The following CCDC7 variants were observed in gnomAD, a reference collection of about 807,000 sequenced individuals.
CCDC7 encodes coiled-coil domain containing 7, also known as coiled-coil domain-containing protein 7.
In CCDC7, 183 loss-of-function variants were observed where a neutral mutation model predicts 196.9. That is an observed-to-expected ratio of 0.93 (90% CI 0.82 to 1.05). CCDC7 has a LOEUF of 1.05. CCDC7 is among the 50% of genes least tolerant of loss of function. The pLI, the probability that CCDC7 is intolerant of heterozygous loss-of-function variation, is 0.00. For missense variants in CCDC7, 1,540 were observed against 1,482.2 expected (o/e 1.04, Z -0.64); for synonymous variants, 525 against 484.6 (o/e 1.08, Z -1.10).
At chr10:32,714,813 G>C (rs190812976) in intron 25 of CCDC7, among the ~76,000 whole-genome samples, 1 of 152,092 alleles carries the variant, frequency 6.6e-6, no homozygotes, top group Non-Finnish European at 1.5e-5. Context: ...CCACCACGGC[G>C]CAGCAAAGCC....
intron 31 of CCDC7, among the ~76,000 whole-genome samples, chr10:32,821,460 G>T (rs10763898): frequency 0.34 from 52,032 of 152,014 alleles, 11,301 homozygotes; most frequent in Non-Finnish European, 0.49. Flanking sequence ...TCCCATTACT[G>T]GGTATATACC....
intron 29 of CCDC7, among the ~76,000 whole-genome samples, chr10:32,798,671 A>G (rs1248363373): frequency 6.6e-6 from 1 of 152,232 alleles, no homozygotes; most frequent in African/African-American, 2.4e-5. Flanking sequence ...GCTACAGCCC[A>G]TGAATCAGCA....
At chr10:32,729,787 A>G (rs2083648586) in intron 28 of CCDC7, among the ~76,000 whole-genome samples, 1 of 152,132 alleles carries the variant, frequency 6.6e-6, no homozygotes, top group South Asian at 2.1e-4. Flanking sequence ...TTTTTTCCTT[A>G]TAAAAGGATT....
At chr10:32,821,783 G>A (rs1018396805) in intron 31 of CCDC7, among the ~76,000 whole-genome samples, 3 of 152,062 alleles carry the variant, frequency 2.0e-5, no homozygotes, top group Admixed American at 6.6e-5. Context: ...GACACAGGAA[G>A]GGGAACATCA....
exon 3 of CCDC7, chr10:32,456,256 G>A: frequency 1.3e-6 from 2 of 1,543,832 alleles, no homozygotes; most frequent in Non-Finnish European, 1.8e-6. Flanking sequence ...AAAAGGTTGG[G>A]GATGATATGA....
At chr10:32,487,578 C>T (rs2041378461) in intron 8 of CCDC7, among the ~76,000 whole-genome samples, 1 of 152,150 alleles carries the variant, frequency 6.6e-6, no homozygotes, top group Admixed American at 6.5e-5. Context: ...TTAGAGTTTC[C>T]AGTTTTTCTG....
intron 41 of CCDC7, among the ~76,000 whole-genome samples, chr10:32,868,725 C>G (rs970496460): frequency 2.4e-5 from 3 of 124,618 alleles, no homozygotes; most frequent in Non-Finnish European, 3.3e-5. Flanking sequence ...CCCCTCCCCC[C>G]ACCCCACAAA....
downstream of CCDC7, among the ~76,000 whole-genome samples, chr10:32,881,168 G>A (rs1299686307): frequency 6.6e-6 from 1 of 152,100 alleles, no homozygotes; most frequent in Non-Finnish European, 1.5e-5. Context: ...CAGGGGCCAT[G>A]ATTCCAGGTG....
chr10:32,747,064 T>C (rs1357996562), intron 28 of CCDC7, among the ~76,000 whole-genome samples: 2 of 152,036 alleles, frequency 1.3e-5, no homozygotes, highest in Admixed American at 6.5e-5. Flanking sequence ...CCCAACTGAG[T>C]GTTGTTGCCA....
intron 41 of CCDC7, among the ~76,000 whole-genome samples, chr10:32,874,657 GTATA>G (rs147448395): frequency 6.8e-6 from 1 of 146,486 alleles, no homozygotes; most frequent in South Asian, 2.2e-4. Flanking sequence ...ATGTGTGTAT[GTATA>G]TATATATATA....
chr10:32,868,016 T>A (rs2094269451), intron 41 of CCDC7, among the ~76,000 whole-genome samples: 1 of 151,998 alleles, frequency 6.6e-6, no homozygotes, highest in South Asian at 2.1e-4. Context: ...TAATCATACC[T>A]ATTTATTTCT....
chr10:32,650,088 T>C (rs554850175), intron 20 of CCDC7, among the ~76,000 whole-genome samples: 179 of 152,334 alleles, frequency 1.2e-3, no homozygotes, highest in African/African-American at 3.9e-3. Flanking sequence ...ACATTCTGGC[T>C]TTTTGAATTA....
chr10:32,734,754 A>G (rs2084571423), intron 28 of CCDC7, among the ~76,000 whole-genome samples: 2 of 151,842 alleles, frequency 1.3e-5, no homozygotes, highest in African/African-American at 2.4e-5. Flanking sequence ...AAAATTAGCC[A>G]GGTGTGGTGG....
chr10:32,632,772 C>A (rs2065051201), intron 18 of CCDC7, among the ~76,000 whole-genome samples: 1 of 152,004 alleles, frequency 6.6e-6, no homozygotes, highest in Admixed American at 6.6e-5. Flanking sequence ...TTATTGATTT[C>A]TAATGTCAGT....
intron 28 of CCDC7, among the ~76,000 whole-genome samples, chr10:32,756,316 A>G (rs981651381): frequency 2.0e-5 from 3 of 152,226 alleles, no homozygotes; most frequent in Non-Finnish European, 4.4e-5. Context: ...CAGATTCACC[A>G]AAGTTGAAAT....
At chr10:32,463,540 G>A (rs1022170398) in intron 5 of CCDC7, among the ~76,000 whole-genome samples, 3 of 152,020 alleles carry the variant, frequency 2.0e-5, no homozygotes, top group Admixed American at 2.0e-4. Context: ...TGTCCTTAGG[G>A]GCTTTTAATT....
At chr10:32,683,630 T>G (rs2076114817) in intron 21 of CCDC7, among the ~76,000 whole-genome samples, 1 of 152,224 alleles carries the variant, frequency 6.6e-6, no homozygotes, top group South Asian at 2.1e-4. Flanking sequence ...TTTCCACTTC[T>G]TTGTGTCATC....
At chr10:32,460,123 C>T (rs1047594077) in intron 3 of CCDC7, among the ~76,000 whole-genome samples, 5 of 152,024 alleles carry the variant, frequency 3.3e-5, no homozygotes, top group African/African-American at 1.2e-4. Flanking sequence ...TTGATAAATT[C>T]ACCTATATTA....
chr10:32,634,155 A>C (rs2065273091), intron 18 of CCDC7, 99 bp from the exon 20 acceptor site: 1 of 445,436 alleles, frequency 2.2e-6, no homozygotes, highest in Non-Finnish European at 3.7e-6. Flanking sequence ...TGAGAATGAG[A>C]GAAAATGCTG....
Sources: gnomAD v4.1 joint callset for allele counts (sites outside exome capture counted in the v4.1 genomes callset) on GRCh38, gnomAD v4.1.1 for gene constraint, MANE v1.5 for transcripts, NCBI Gene and HGNC (gene_info 2026-07-23, HGNC 2026-07-21) for gene names.